The following WDR7 variants were observed in gnomAD, a reference collection of about 807,000 sequenced individuals.
WDR7 encodes WD repeat domain 7, also known as WD repeat-containing protein 7.
WDR7 carries 46 observed loss-of-function variants against 169.4 expected under a neutral mutation model. That is an observed-to-expected ratio of 0.27 (90% CI 0.21 to 0.35). The LOEUF is 0.35. Ranked by LOEUF, WDR7 falls within the 10% of genes least tolerant of loss-of-function variation. WDR7 has a pLI of 1.00. For synonymous variants in WDR7, 612 were observed against 666.8 expected, an observed-to-expected ratio of 0.92 and a Z score of 1.27; for missense variants, 1,534 against 1,859.3, an observed-to-expected ratio of 0.83 and a Z score of 3.22.
intron 25 of WDR7, among the ~76,000 whole-genome samples, chr18:56,958,029 A>C (rs1415386068): frequency 6.6e-6 from 1 of 152,134 alleles, no homozygotes; most frequent in Non-Finnish European, 1.5e-5. Flanking sequence ...TCTTATTTGC[A>C]GGCCATTTTT....
chr18:56,984,906 A>G (rs561824364), intron 26 of WDR7, among the ~76,000 whole-genome samples: 2 of 152,122 alleles, frequency 1.3e-5, no homozygotes, highest in African/African-American at 4.8e-5. Context: ...TTTGCCCTTC[A>G]GCTGTGTGCA....
chr18:56,737,625 C>T (rs1382364480), intron 14 of WDR7, among the ~76,000 whole-genome samples: 1 of 152,126 alleles, frequency 6.6e-6, no homozygotes, highest in Non-Finnish European at 1.5e-5. Flanking sequence ...GCTTTGTATT[C>T]TGTGTAACGA....
intron 20 of WDR7, among the ~76,000 whole-genome samples, chr18:56,837,057 T>C (rs1013005597): frequency 6.6e-6 from 1 of 152,220 alleles, no homozygotes; most frequent in Admixed American, 6.5e-5. Flanking sequence ...GAATGACAGA[T>C]GTCAGTGCAG....
At chr18:56,893,283 T>C (rs1303323177) in intron 21 of WDR7, among the ~76,000 whole-genome samples, 1 of 152,024 alleles carries the variant, frequency 6.6e-6, no homozygotes, top group Non-Finnish European at 1.5e-5. Context: ...GAGTGATGGC[T>C]TCATATTTGT....
At chr18:56,743,527 A>G (rs1337265833) in intron 14 of WDR7, among the ~76,000 whole-genome samples, 1 of 152,204 alleles carries the variant, frequency 6.6e-6, no homozygotes, top group East Asian at 1.9e-4. Context: ...TGTCAAATGC[A>G]GTAGATGTTG....
At chr18:56,811,683 AT>A (rs150198807) in intron 19 of WDR7, among the ~76,000 whole-genome samples, 3 of 151,676 alleles carry the variant, frequency 2.0e-5, no homozygotes, top group Non-Finnish European at 2.9e-5. Flanking sequence ...ATCAAGGTTC[AT>A]TTTTTTTGCT....
intron 16 of WDR7, among the ~76,000 whole-genome samples, chr18:56,760,948 A>G (rs1258449943): frequency 6.6e-6 from 1 of 152,142 alleles, no homozygotes; most frequent in East Asian, 1.9e-4. Context: ...TTTAATTTGC[A>G]TTCCTTTACT....
At chr18:56,954,691 T>A (rs1335155564) in intron 25 of WDR7, among the ~76,000 whole-genome samples, 1 of 152,114 alleles carries the variant, frequency 6.6e-6, no homozygotes, top group African/African-American at 2.4e-5. Flanking sequence ...CTCTTTTCAA[T>A]GAGTGTGTGT....
chr18:56,705,861 G>A (rs2025939277), intron 12 of WDR7, among the ~76,000 whole-genome samples: 1 of 152,194 alleles, frequency 6.6e-6, no homozygotes, highest in African/African-American at 2.4e-5. Context: ...AGCTGGGTGT[G>A]GTGGCGCGTG....
At position 56,723,493 on chromosome 18, in the gene WDR7, T is replaced by A. The variant is rs1388334187; in HGVS notation, c.1774+5334T>A. Among the ~76,000 whole-genome samples the A allele has an allele frequency of 2.6e-5, 4 of 152,290 alleles. No homozygotes were observed. The East Asian group carries it at 7.7e-4, about 29-fold the overall frequency. On this transcript the variant is annotated intron_variant, in intron 13 of 27. Transcript: ENST00000254442. ...GCTATTTTCTCTAGGTATAGAATTC[T>A]AGGTCAACAGGTTTTTGTCTTTTGC...
intron 20 of WDR7, among the ~76,000 whole-genome samples, chr18:56,870,952 A>T (rs1309409225): frequency 6.6e-6 from 1 of 152,226 alleles, no homozygotes; most frequent in Non-Finnish European, 1.5e-5. Flanking sequence ...ATACAGTTTT[A>T]TATATGCTTT....
At chr18:56,949,345 A>C (rs1297081360) in intron 25 of WDR7, among the ~76,000 whole-genome samples, 3 of 152,208 alleles carry the variant, frequency 2.0e-5, no homozygotes, top group Non-Finnish European at 2.9e-5. Context: ...ATTTATTTAA[A>C]ATAAACTCAT....
At chr18:56,847,625 G>A (rs536334889) in intron 20 of WDR7, among the ~76,000 whole-genome samples, 3 of 152,216 alleles carry the variant, frequency 2.0e-5, no homozygotes, top group African/African-American at 7.2e-5. Flanking sequence ...AAGACCTAGC[G>A]ACCTAGAAGG....
At chr18:56,653,317 C>T (rs2024696404) in intron 1 of WDR7, among the ~76,000 whole-genome samples, 1 of 152,088 alleles carries the variant, frequency 6.6e-6, no homozygotes, top group Admixed American at 6.6e-5. Flanking sequence ...AGCGATTCTC[C>T]TGCCTCAGCC....
chr18:57,007,034 C>CA (rs2048069434), intron 26 of WDR7, among the ~76,000 whole-genome samples: 3 of 150,336 alleles, frequency 2.0e-5, no homozygotes, highest in Admixed American at 1.3e-4. Context: ...GGCTGGAGTG[C>CA]AGTGGCCCAA....
At chr18:56,933,677 C>T (rs2046921449) in intron 22 of WDR7, among the ~76,000 whole-genome samples, 1 of 152,354 alleles carries the variant, frequency 6.6e-6, no homozygotes, top group Middle Eastern at 3.4e-3. Context: ...GGTCACTCCT[C>T]TCCCCCGTGT....
intron 25 of WDR7, among the ~76,000 whole-genome samples, chr18:56,956,584 G>A (rs1286788865): frequency 6.6e-6 from 1 of 152,078 alleles, no homozygotes; most frequent in Admixed American, 6.6e-5. Context: ...GGTTGTCACT[G>A]GTACCTTCTT....
Position 57,010,859 on chromosome 18 carries a change from G to A in WDR7, c.4165-9886G>A, listed in dbSNP as rs79683650. On this transcript the variant is annotated intron_variant, in intron 26 of 27. Coordinates refer to ENST00000254442, the MANE Select transcript of WDR7 (RefSeq NM_015285.3). ...GATGGAGAACTTTTCTTTGAATCTG[G>A]AAGTTTCCCAGTTAAATCGAAGGGA... Among the ~76,000 whole-genome samples the A allele has an allele frequency of 8.2e-3, 1,253 of 152,224 alleles. 16 individuals are homozygous for A. The highest frequency in any genetic ancestry group is 0.029 in the African/African-American group (1,192 of 41,536).
At chr18:56,853,262 T>C (rs760110646) in intron 20 of WDR7, among the ~76,000 whole-genome samples, 1 of 152,218 alleles carries the variant, frequency 6.6e-6, no homozygotes, top group Non-Finnish European at 1.5e-5. Flanking sequence ...AAAATTCTTA[T>C]AGGGAATTTT....
Sources: gnomAD v4.1 joint callset for allele counts (sites outside exome capture counted in the v4.1 genomes callset) on GRCh38, gnomAD v4.1.1 for gene constraint, MANE v1.5 for transcripts, NCBI Gene and HGNC (gene_info 2026-07-23, HGNC 2026-07-21) for gene names.